Variants in ADIPOR1 observed in about 807,000 individuals in gnomAD.
ADIPOR1 encodes adiponectin receptor protein 1.
ADIPOR1 carries 15 observed loss-of-function variants against 37.5 expected under a neutral mutation model. The observed-to-expected ratio is 0.40, with a 90% confidence interval of 0.27 to 0.62. The LOEUF is 0.62. Ranked by LOEUF, ADIPOR1 falls within the 20% of genes least tolerant of loss-of-function variation. The pLI is 0.42. For missense variants in ADIPOR1, 286 were observed against 478.0 expected (o/e 0.60, Z 3.75); for synonymous variants, 173 against 173.2 (o/e 1.00, Z 0.01).
intron 6 of ADIPOR1, 107 bp from the exon 7 acceptor site, chr1:202,942,325 G>C: frequency 4.7e-6 from 5 of 1,060,944 alleles, no homozygotes; most frequent in Non-Finnish European, 6.6e-6. Context: ...AGCTATTTTT[G>C]GATGAATAGT....
At chr1:202,947,172 A>T (rs1043941395) in intron 3 of ADIPOR1, among the ~76,000 whole-genome samples, 2 of 152,174 alleles carry the variant, frequency 1.3e-5, no homozygotes, top group Non-Finnish European at 2.9e-5. Context: ...TCTTTGTTTC[A>T]TGTTAGTTTA....
At chr1:202,957,194 CA>C (rs1330953160) in intron 1 of ADIPOR1, among the ~76,000 whole-genome samples, 1 of 152,140 alleles carries the variant, frequency 6.6e-6, no homozygotes, top group African/African-American at 2.4e-5. Flanking sequence ...GTAGCCTACC[CA>C]ACTACTAGGA....
At chr1:202,954,057 G>A (rs1654685337) in intron 1 of ADIPOR1, among the ~76,000 whole-genome samples, 1 of 152,102 alleles carries the variant, frequency 6.6e-6, no homozygotes, top group Non-Finnish European at 1.5e-5. Flanking sequence ...TCCTTTTTCA[G>A]TCCAAATCAT....
rs1295319833 is a variant in ADIPOR1 at position 202,942,054 on chromosome 1, G to A, written c.970C>T (p.Arg324Cys). The stretch of plus-strand genomic sequence containing the variant: ...ATGTCAAATTTTCCAGGAAAGAAGC[G>A]CTCAGGAATTCGAGCAGCATAAAGG... Reference protein sequence around the residue: ...AGLYAARIPERFFPGKFDIWF... With the variant: ...AGLYAARIPECFFPGKFDIWF... The change falls in exon 7 of 8, where the codon CGC becomes TGC. Residue 324 changes from arginine (R) to cysteine (C), a missense_variant. Arg to Cys is a radical substitution (Grantham distance 180, BLOSUM62 -3). Coordinates refer to ENST00000340990, the MANE Select transcript of ADIPOR1 (RefSeq NM_015999.6). 12 of 1,612,894 alleles carry A rather than the reference G, an allele frequency of 7.4e-6. 1 individual carries two copies. The South Asian group carries it at 8.8e-5, about 12-fold the overall frequency.
chr1:202,951,119 G>T lies in ADIPOR1; in HGVS notation c.-49C>A. ...CAGCTTCAGCTTGGGGAAAGGTTGG[G>T]GTCTCTCAGCCCCAGGGGGCAGAGA... On this transcript the variant is annotated 5_prime_UTR_variant, in exon 2 of 8. Transcript: ENST00000340990. The T allele has an allele frequency of 6.2e-7, 1 of 1,610,728 alleles. No individual in the cohort carries two copies.
At chr1:202,955,130 T>G (rs941989759) in intron 1 of ADIPOR1, among the ~76,000 whole-genome samples, 1 of 152,048 alleles carries the variant, frequency 6.6e-6, no homozygotes, top group Non-Finnish European at 1.5e-5. Context: ...CGAACTACAG[T>G]ATATAGGGCC....
intron 2 of ADIPOR1, 46 bp downstream of exon 2, chr1:202,950,884 A>C: frequency 6.2e-7 from 1 of 1,612,010 alleles, no homozygotes; most frequent in East Asian, 2.2e-5. Context: ...CAGAGTTCTA[A>C]GGAGAGAAAC....
intron 1 of ADIPOR1, among the ~76,000 whole-genome samples, chr1:202,953,592 T>C (rs1376821762): frequency 6.6e-6 from 1 of 152,232 alleles, no homozygotes; most frequent in Non-Finnish European, 1.5e-5. Context: ...TGGTGGCTTC[T>C]CTTATCCCTT....
rs1463048703 is a variant in ADIPOR1 at position 202,943,900 on chromosome 1, G to A, written c.663C>T (p.Val221=). The change falls in exon 6 of 8, where the codon GTC becomes GTT. Residue 221 remains valine (V), a synonymous_variant. Transcript: ENST00000340990. ...GIALLIMGSF[V]PWLYYSFYCS... ...AGTAGAAGGAATAATAGAGCCAGGG[G>A]ACAAAGCTCCCCATAATTAGAAGAG... 6.2e-6 allele frequency: 10 copies of A among 1,613,896 alleles called. No individual in the cohort carries two copies. Among genetic ancestry groups the A allele is most frequent in the African/African-American group, 1.3e-5 (1 of 74,920 alleles).
At chr1:202,954,120 C>G (rs748078817) in intron 1 of ADIPOR1, 2 of 152,202 alleles carry the variant, frequency 1.3e-5, no homozygotes, top group African/African-American at 2.4e-5. Flanking sequence ...AGCTCCTATA[C>G]CACCTCTCTA....
chr1:202,946,812 TAAA>T (rs376398598), intron 3 of ADIPOR1, among the ~76,000 whole-genome samples: 1 of 140,222 alleles, frequency 7.1e-6, no homozygotes, highest in Admixed American at 7.1e-5. Context: ...TTTTGACCAT[TAAA>T]AAAAAAAAAA....
At chr1:202,955,615 G>A (rs1385634752) in intron 1 of ADIPOR1, among the ~76,000 whole-genome samples, 3 of 152,058 alleles carry the variant, frequency 2.0e-5, no homozygotes, top group Non-Finnish European at 4.4e-5. Flanking sequence ...TTGGAGTCAG[G>A]GTCTTGCTCC....
At chr1:202,943,399 T>A (rs1654179430) in intron 6 of ADIPOR1, among the ~76,000 whole-genome samples, 1 of 152,202 alleles carries the variant, frequency 6.6e-6, no homozygotes, top group South Asian at 2.1e-4. Context: ...CTTAGTAAAA[T>A]GCCTCTGAGT....
In ADIPOR1 at chr1:202,955,792, T is replaced by C. The variant is rs141249136; in HGVS notation, c.-95+2393A>G. ...CCAATGCCAGCCCCCACTTTTATTT[T>C]TGGAGACAAGGGCCTTGCTCTATCC... On this transcript the variant is annotated intron_variant, in intron 1 of 7. Transcript: ENST00000340990. 3.1e-3 allele frequency among the ~76,000 whole-genome samples: 466 copies of C among 152,194 alleles called. 3 individuals carry two copies. The highest frequency in any genetic ancestry group is 1.0e-2 in the African/African-American group (414 of 41,516).
At chr1:202,957,446 C>T (rs1654826561) in intron 1 of ADIPOR1, among the ~76,000 whole-genome samples, 1 of 151,074 alleles carries the variant, frequency 6.6e-6, no homozygotes, top group Admixed American at 6.6e-5. Flanking sequence ...CCCATTCTCC[C>T]AAAGAGCACC....
At position 202,951,259 on chromosome 1, in the gene ADIPOR1, T is replaced by C. The variant is rs554317813; in HGVS notation, c.-94-95A>G. On this transcript the variant is annotated intron_variant, in intron 1 of 7. Coordinates refer to ENST00000340990, the MANE Select transcript of ADIPOR1 (RefSeq NM_015999.6). ...ACTGAATAAGAAGCTAATCAACTCA[T>C]ATCCTGTCCCCAATTCTAAAGGCCA... 102 of 620,456 alleles carry C rather than the reference T, an allele frequency of 1.6e-4. No homozygotes were observed. The African/African-American group carries it at 1.8e-3, about 11-fold the overall frequency. 38.4% of individuals were successfully genotyped at this position (620,456 alleles called of 1,614,324 possible).
intron 3 of ADIPOR1, among the ~76,000 whole-genome samples, chr1:202,947,297 G>A (rs1388067122): frequency 6.6e-6 from 1 of 152,066 alleles, no homozygotes; most frequent in Admixed American, 6.5e-5. Flanking sequence ...TGAGGCGGGC[G>A]GATCACCTGA....
intron 2 of ADIPOR1, among the ~76,000 whole-genome samples, chr1:202,948,739 A>C (rs1383514933): frequency 6.6e-6 from 1 of 151,820 alleles, no homozygotes; most frequent in African/African-American, 2.4e-5. Context: ...GTGGTTCTTA[A>C]CTTTCCTCAG....
intron 5 of ADIPOR1, chr1:202,944,727 G>T (rs1432782168): frequency 1.1e-5 from 3 of 278,524 alleles, no homozygotes; most frequent in African/African-American, 6.5e-5. Flanking sequence ...CCTCACAAAA[G>T]ATAGTGCTTT....
Sources: gnomAD v4.1 joint callset for allele counts (sites outside exome capture counted in the v4.1 genomes callset) on GRCh38, gnomAD v4.1.1 for gene constraint, MANE v1.5 for transcripts, NCBI Gene and HGNC (gene_info 2026-07-23, HGNC 2026-07-21) for gene names.